Variants in LOC400499 observed in about 807,000 individuals in gnomAD.
At chr16:11,412,017 C>G in the LOC400499 span, among the ~76,000 whole-genome samples, 1 of 152,128 alleles carries the variant, frequency 6.6e-6, no homozygotes, top group Non-Finnish European at 1.5e-5. Context: ...CATGCGTCAC[C>G]ATACCAGGCT....
chr16:11,523,137 A>T, the LOC400499 span, among the ~76,000 whole-genome samples: 1 of 152,148 alleles, frequency 6.6e-6, no homozygotes, highest in Non-Finnish European at 1.5e-5. Context: ...CTGGCCAAAG[A>T]CATTTATTCC....
the LOC400499 span, chr16:11,385,051 G>C: frequency 8.1e-7 from 1 of 1,232,196 alleles, no homozygotes; most frequent in Non-Finnish European, 1.0e-6. Flanking sequence ...GGGAGGAGTT[G>C]TACAGCCTGT....
the LOC400499 span, chr16:11,424,307 G>A: frequency 5.0e-6 from 2 of 399,528 alleles, no homozygotes; most frequent in African/African-American, 2.1e-5. Flanking sequence ...AAGCCACGTG[G>A]GTGAGAGACA....
chr16:11,458,505 C>CA, the LOC400499 span, among the ~76,000 whole-genome samples: 7,431 of 113,368 alleles, frequency 0.066, 474 homozygotes, highest in East Asian at 0.23. Flanking sequence ...AACTCTGTCT[C>CA]AAAAAAAAAA....
At chr16:11,373,524 G>C in the LOC400499 span, among the ~76,000 whole-genome samples, 1 of 152,012 alleles carries the variant, frequency 6.6e-6, no homozygotes, top group Non-Finnish European at 1.5e-5. Flanking sequence ...AGTAGAGACG[G>C]GGTTGGGCCA....
chr16:11,526,693 C>A, the LOC400499 span, among the ~76,000 whole-genome samples: 11 of 152,086 alleles, frequency 7.2e-5, no homozygotes, highest in Non-Finnish European at 1.5e-4. Flanking sequence ...TGTGTGGGTA[C>A]TAGGAAAATT....
chr16:11,402,882 C>T, the LOC400499 span, among the ~76,000 whole-genome samples: 14 of 152,168 alleles, frequency 9.2e-5, no homozygotes, highest in South Asian at 4.1e-4. Context: ...GCATCCCTCT[C>T]GGGGGCCTCA....
chr16:11,510,326 C>G, the LOC400499 span, among the ~76,000 whole-genome samples: 1 of 151,840 alleles, frequency 6.6e-6, no homozygotes, highest in African/African-American at 2.4e-5. Context: ...ATTCATCCAT[C>G]TAATCCTCAG....
At chr16:11,412,841 C>G in the LOC400499 span, 5 of 399,260 alleles carry the variant, frequency 1.3e-5, no homozygotes, top group Non-Finnish European at 1.8e-5. Flanking sequence ...CCCCCCTCAC[C>G]TGACTGCCTG....
the LOC400499 span, chr16:11,508,746 C>A: frequency 5.0e-6 from 2 of 399,110 alleles, no homozygotes; most frequent in East Asian, 7.1e-5. Context: ...CCAGGCACAG[C>A]CTCCTTACTA....
chr16:11,480,236 AACAG>A, the LOC400499 span, among the ~76,000 whole-genome samples: 1 of 152,338 alleles, frequency 6.6e-6, no homozygotes, highest in African/African-American at 2.4e-5. Context: ...GTGAGAAAAT[AACAG>A]ACAAAGGGGA....
At chr16:11,507,164 G>A in the LOC400499 span, among the ~76,000 whole-genome samples, 3 of 152,182 alleles carry the variant, frequency 2.0e-5, no homozygotes, top group African/African-American at 7.2e-5. Flanking sequence ...AGAATGCAGT[G>A]CTGTCTTCCC....
chr16:11,495,989 C>T, the LOC400499 span, among the ~76,000 whole-genome samples: 1 of 152,066 alleles, frequency 6.6e-6, no homozygotes, highest in Non-Finnish European at 1.5e-5. Flanking sequence ...ACAGGGGCCT[C>T]TGTGCTAGAC....
the LOC400499 span, among the ~76,000 whole-genome samples, chr16:11,387,946 A>C: frequency 6.6e-6 from 1 of 152,122 alleles, no homozygotes; most frequent in Non-Finnish European, 1.5e-5. Context: ...AAATTTCTAC[A>C]GTTTAGGGGA....
chr16:11,460,653 C>A, the LOC400499 span: 2 of 1,488,730 alleles, frequency 1.3e-6, no homozygotes, highest in South Asian at 2.6e-5. Context: ...CTCTGCCAGG[C>A]AGCCCTCCAC....
At chr16:11,404,616 G>C in the LOC400499 span, 2,823 of 397,966 alleles carry the variant, frequency 7.1e-3, 71 homozygotes, top group African/African-American at 0.052. Context: ...CAAAGGGCTT[G>C]GATTACAGGC....
chr16:11,504,542 C>G, the LOC400499 span, among the ~76,000 whole-genome samples: 1 of 151,300 alleles, frequency 6.6e-6, no homozygotes, highest in Non-Finnish European at 1.5e-5. Flanking sequence ...AGCAACAGAG[C>G]GAGACTCCGT....
the LOC400499 span, among the ~76,000 whole-genome samples, chr16:11,446,177 C>A: frequency 6.6e-6 from 1 of 151,942 alleles, no homozygotes; most frequent in South Asian, 2.1e-4. Flanking sequence ...GTGTCTGAGT[C>A]TTGCTCTGTT....
At chr16:11,383,079 T>G in the LOC400499 span, among the ~76,000 whole-genome samples, 1 of 147,468 alleles carries the variant, frequency 6.8e-6, no homozygotes, top group African/African-American at 2.5e-5. Flanking sequence ...GTCTTTTTTT[T>G]TTTTGAGACG....
Sources: allele counts gnomAD v4.1 joint callset (sites outside exome capture counted in the v4.1 genomes callset), GRCh38; gene constraint gnomAD v4.1.1; transcripts MANE v1.5.